Variants in SLC9C1 observed in about 807,000 individuals in gnomAD.
SLC9C1 encodes sodium/hydrogen exchanger 10.
In SLC9C1, 97 loss-of-function variants were observed where a neutral mutation model predicts 140.9. The observed-to-expected ratio is 0.69, with a 90% confidence interval of 0.58 to 0.82. The LOEUF (loss-of-function observed/expected upper bound fraction) is 0.82, where lower values mean the gene tolerates loss of function less well. Ranked by LOEUF, SLC9C1 falls within the 40% of genes least tolerant of loss-of-function variation. SLC9C1 has a pLI of 0.00. For synonymous variants in SLC9C1, 440 were observed against 442.6 expected (o/e 0.99, Z 0.07); for missense variants, 1,340 against 1,389.3 (o/e 0.96, Z 0.56).
chr3:112,141,062 CA>C lies in SLC9C1; in HGVS notation c.*209del, dbSNP rs2074606541. The C allele has an allele frequency of 2.5e-6, 1 of 405,222 alleles. No individual in the cohort carries two copies. The highest frequency in any genetic ancestry group is 4.5e-6 in the Non-Finnish European group (1 of 222,046). 25.1% of individuals were successfully genotyped at this position (405,222 alleles called of 1,614,324 possible). A position where few individuals can be genotyped will look rare whatever the true frequency, so the allele number is the denominator to read the frequency against. ...AAAATGTTTTGTATATTTAAAATAACAAATATTTTAAATCAAGGAAATTTTG... is the reference window on the plus strand; with the variant it reads ...AAAATGTTTTGTATATTTAAAATAACAATATTTTAAATCAAGGAAATTTTG... On this transcript the variant is annotated 3_prime_UTR_variant, in exon 29 of 29. Coordinates refer to ENST00000305815, the MANE Select transcript of SLC9C1 (RefSeq NM_183061.3).
intron 11 of SLC9C1, among the ~76,000 whole-genome samples, chr3:112,240,568 G>T (rs2079113477): frequency 6.6e-6 from 1 of 152,214 alleles, no homozygotes; most frequent in Non-Finnish European, 1.5e-5. Flanking sequence ...GAGAGAATTT[G>T]TTGTCTCTGC....
rs771722882 is a variant in SLC9C1 at position 112,151,890 on chromosome 3, T to G, written c.3491A>C (p.Lys1164Thr). The G allele has an allele frequency of 6.2e-7, 1 of 1,611,516 alleles. No individual in the cohort carries two copies. Among genetic ancestry groups the G allele is most frequent in the African/African-American group, 1.3e-5 (1 of 74,862 alleles). Reference protein sequence around the residue: ...CSLLGTKFNCKESPRINLRKV... With the variant: ...CSLLGTKFNCTESPRINLRKV... ...CCTTAGGTTTATTCTAGGGGACTCC[T>G]TACAGTTGAACTTTGTCCCCAGCAG... Residue 1164 changes from lysine (K) to threonine (T), a missense_variant, in exon 28 of 29, where the codon AAG (lysine) becomes ACG (threonine). Coordinates refer to ENST00000305815, the MANE Select transcript of SLC9C1 (RefSeq NM_183061.3).
intron 13 of SLC9C1, among the ~76,000 whole-genome samples, chr3:112,223,449 G>A (rs7616020): frequency 0.3 from 45,636 of 151,986 alleles, 7,073 homozygotes; most frequent in East Asian, 0.36. Flanking sequence ...AAATGCAAAC[G>A]TGTCTACTCT....
intron 10 of SLC9C1, among the ~76,000 whole-genome samples, chr3:112,245,906 A>T (rs2079270102): frequency 6.6e-6 from 1 of 152,106 alleles, no homozygotes; most frequent in South Asian, 2.1e-4. Context: ...TTTTGGAAAG[A>T]AGCCTCTAAC....
chr3:112,197,212 C>T (rs569258348), intron 20 of SLC9C1, among the ~76,000 whole-genome samples: 1 of 151,980 alleles, frequency 6.6e-6, no homozygotes, highest in African/African-American at 2.4e-5. Context: ...TTTTGAATGT[C>T]TTAGTCTCTA....
At chr3:112,188,570 C>A (rs12486177) in intron 20 of SLC9C1, among the ~76,000 whole-genome samples, 44,979 of 151,976 alleles carry the variant, frequency 0.3, 7,210 homozygotes, top group East Asian at 0.43. Flanking sequence ...TGAACTCATC[C>A]TTTTTTATGG....
At position 112,169,021 on chromosome 3, in the gene SLC9C1, A is replaced by C. The variant is rs532794564; in HGVS notation, c.3093T>G (p.Tyr1031Ter). 6.2e-7 allele frequency: 1 copy of C among 1,601,512 alleles called. No homozygotes were observed. Among genetic ancestry groups the C allele is most frequent in the Non-Finnish European group, 8.5e-7 (1 of 1,176,424 alleles). ...TGGTACTCATTGGTATATCTACTAC[A>C]TAAATATTAGAGAGCTTTAGTTGCA... ...YNMQLKLSNI[Y>*]VVDIPMSTKT... The change falls in exon 25 of 29, where the codon TAT becomes TAG. Residue 1031 changes from tyrosine to a stop codon, truncating the protein, a stop_gained. Coordinates refer to ENST00000305815, the MANE Select transcript of SLC9C1 (RefSeq NM_183061.3). LOFTEE classifies it high-confidence loss of function.
intron 10 of SLC9C1, among the ~76,000 whole-genome samples, chr3:112,253,050 C>G (rs2079507783): frequency 6.6e-6 from 1 of 152,174 alleles, no homozygotes; most frequent in South Asian, 2.1e-4. Context: ...TGCCAGCATA[C>G]CACAGCATCC....
At chr3:112,169,156 A>C in intron 24 of SLC9C1, 41 bp downstream of exon 24, 1 of 1,599,428 alleles carries the variant, frequency 6.3e-7, no homozygotes, top group East Asian at 2.2e-5. Context: ...ATGCCATTCC[A>C]TTCAAAGAAA....
At chr3:112,272,059 A>G (rs1306007824) in intron 6 of SLC9C1, among the ~76,000 whole-genome samples, 1 of 152,178 alleles carries the variant, frequency 6.6e-6, no homozygotes, top group Non-Finnish European at 1.5e-5. Context: ...CAGGGAGCCC[A>G]AGGCCATCAG....
At chr3:112,233,942 C>T (rs539903648) in intron 12 of SLC9C1, among the ~76,000 whole-genome samples, 7 of 152,258 alleles carry the variant, frequency 4.6e-5, no homozygotes, top group South Asian at 2.1e-4. Context: ...AGTAAACATA[C>T]GTGTGCATGT....
At chr3:112,263,513 C>G (rs1559729863) in intron 9 of SLC9C1, among the ~76,000 whole-genome samples, 1 of 100,372 alleles carries the variant, frequency 1.0e-5, no homozygotes, top group Non-Finnish European at 2.3e-5. Flanking sequence ...CCAATATTGG[C>G]CAGATTTTTT....
At chr3:112,166,600 T>A (rs1256592224) in intron 26 of SLC9C1, among the ~76,000 whole-genome samples, 1 of 152,184 alleles carries the variant, frequency 6.6e-6, no homozygotes, top group Non-Finnish European at 1.5e-5. Context: ...AGACACAGGA[T>A]TTTAAAATTG....
intron 12 of SLC9C1, among the ~76,000 whole-genome samples, chr3:112,236,006 C>T (rs1316869073): frequency 1.3e-5 from 2 of 152,152 alleles, no homozygotes; most frequent in African/African-American, 4.8e-5. Flanking sequence ...GGAGGATTCT[C>T]TCTTTTTCTA....
chr3:112,161,511 C>T (rs2075298483), intron 26 of SLC9C1, among the ~76,000 whole-genome samples: 1 of 152,142 alleles, frequency 6.6e-6, no homozygotes, highest in African/African-American at 2.4e-5. Context: ...TTCCCAGCAC[C>T]ATTTATTAAA....
chr3:112,252,573 A>G (rs562283741), intron 10 of SLC9C1, among the ~76,000 whole-genome samples: 29 of 151,882 alleles, frequency 1.9e-4, no homozygotes, highest in African/African-American at 6.8e-4. Flanking sequence ...GATCCTTCTC[A>G]CTGGGTGGGA....
chr3:112,200,569 G>T, intron 19 of SLC9C1, 142 bp downstream of exon 19: 1 of 672,170 alleles, frequency 1.5e-6, no homozygotes, highest in Non-Finnish European at 2.6e-6. Context: ...AAATAAGATT[G>T]CATTGATTGT....
At chr3:112,186,063 C>G in intron 20 of SLC9C1, 1 of 1,167,316 alleles carries the variant, frequency 8.6e-7, no homozygotes, top group Non-Finnish European at 1.2e-6. Flanking sequence ...AGTGCACTTT[C>G]AAATCTTTTG....
At chr3:112,249,308 C>A (rs1459284041) in intron 10 of SLC9C1, among the ~76,000 whole-genome samples, 1 of 151,046 alleles carries the variant, frequency 6.6e-6, no homozygotes, top group Non-Finnish European at 1.5e-5. Context: ...CCTACTAGAT[C>A]ATGGGTAGAT....
Sources: gnomAD v4.1 joint callset for allele counts (sites outside exome capture counted in the v4.1 genomes callset) on GRCh38, gnomAD v4.1.1 for gene constraint, MANE v1.5 for transcripts, NCBI Gene and HGNC (gene_info 2026-07-23, HGNC 2026-07-21) for gene names.